SCN4B: variants seen among roughly 807,000 people sequenced by gnomAD.
The protein encoded by SCN4B is sodium channel regulatory subunit beta-4.
A neutral mutation model predicts 19.6 loss-of-function variants in SCN4B; 20 were observed. That is an observed-to-expected ratio of 1.02 (90% CI 0.72 to 1.48). SCN4B has a LOEUF of 1.48. Ranked by LOEUF, SCN4B falls within the 40% of genes most tolerant of loss-of-function variation. The pLI, the probability that SCN4B is intolerant of heterozygous loss-of-function variation, is 0.00. For synonymous variants in SCN4B, 127 were observed against 122.8 expected, an observed-to-expected ratio of 1.03 and a Z score of -0.22; for missense variants, 271 against 287.5, an observed-to-expected ratio of 0.94 and a Z score of 0.42.
chr11:118,134,705 T>C lies in SCN4B; in HGVS notation c.*2322A>G, dbSNP rs1472198947. On this transcript the variant is annotated 3_prime_UTR_variant, in exon 5 of 5. Transcript: ENST00000324727. ...GAAAGAAAGAGAGAGAGAGTGTGTG[T>C]GTCTGTATGTGGGTTGTAGAGATGG... 1 of 454,056 alleles carries C rather than the reference T, an allele frequency of 2.2e-6. No individual in the cohort carries two copies. 28.1% of individuals were successfully genotyped at this position (454,056 alleles called of 1,614,324 possible). A position where few individuals can be genotyped will look rare whatever the true frequency, so the allele number is the denominator to read the frequency against.
At chr11:118,139,618 A>G (rs998372921) in intron 4 of SCN4B, among the ~76,000 whole-genome samples, 3 of 152,224 alleles carry the variant, frequency 2.0e-5, no homozygotes, top group African/African-American at 7.2e-5. Context: ...AGTCAGTAGA[A>G]CATCCTGGCA....
intron 4 of SCN4B, among the ~76,000 whole-genome samples, chr11:118,138,068 G>C (rs1015824772): frequency 7.2e-5 from 11 of 151,812 alleles, no homozygotes; most frequent in Admixed American, 7.2e-4. Context: ...CTCTGAGCTG[G>C]ACATGCTCCA....
intron 1 of SCN4B, among the ~76,000 whole-genome samples, chr11:118,146,286 G>C (rs1434481605): frequency 3.3e-5 from 5 of 152,046 alleles, no homozygotes; most frequent in Admixed American, 3.3e-4. Context: ...TTGTAAGGGG[G>C]CCTGGTTCCC....
Position 118,141,559 on chromosome 11 carries a change from C to A in SCN4B, c.464-223G>T, listed in dbSNP as rs554241095. On this transcript the variant is annotated intron_variant, in intron 3 of 4. Coordinates refer to ENST00000324727, the MANE Select transcript of SCN4B (RefSeq NM_174934.4). ...GGCACACATAAGGGGCCCTCTCCCC[C>A]ACCCTGCACATGCCCTCCCACAGAT... 798 of 594,312 alleles carry A rather than the reference C, an allele frequency of 1.3e-3. 8 individuals carry two copies. Among genetic ancestry groups the A allele is most frequent in the South Asian group, 8.2e-3 (418 of 50,970 alleles). The allele number at this position is 594,312 out of a possible 1,614,324, so 36.8% of individuals were successfully genotyped here.
rs972188291 is a variant in SCN4B, at chr11:118,135,757, G to A, written c.*1270C>T. On this transcript the variant is annotated 3_prime_UTR_variant, in exon 5 of 5. Coordinates refer to ENST00000324727, the MANE Select transcript of SCN4B (RefSeq NM_174934.4). ...TCAGGACATACCGTCTAGAGAGGAT[G>A]GGGGTAAGGGCTAGGATTCAGGACT... 2.2e-6 allele frequency: 1 copy of A among 454,370 alleles called. No individual in the cohort carries two copies. The highest frequency in any genetic ancestry group is 2.0e-5 in the African/African-American group (1 of 49,980). 28.1% of individuals were successfully genotyped at this position (454,370 alleles called of 1,614,324 possible). A position where few individuals can be genotyped will look rare whatever the true frequency, so the allele number is the denominator to read the frequency against.
At chr11:118,149,015 T>G (rs1948210142) in intron 1 of SCN4B, among the ~76,000 whole-genome samples, 1 of 152,304 alleles carries the variant, frequency 6.6e-6, no homozygotes, top group South Asian at 2.1e-4. Flanking sequence ...AAAAAGCCAC[T>G]CTCAGAGCAG....
rs756210130 is a variant in SCN4B, at chr11:118,145,176, T to C, written c.115A>G (p.Thr39Ala). 2.0e-5 allele frequency: 32 copies of C among 1,613,934 alleles called. No individual in the cohort carries two copies. The highest frequency in any genetic ancestry group is 2.5e-5 in the Non-Finnish European group (30 of 1,180,014). ...LSLEVSVGKA[T>A]DIYAVNGTEI... ...GTGCCATTGACAGCGTAGATGTCGG[T>C]GGCCTTTCCCACAGACACCTCCAGC... The change falls in exon 2 of 5, where the codon ACC becomes GCC. Residue 39 changes from threonine (T) to alanine (A), a missense_variant. By Grantham distance (58) the Thr-to-Ala change is moderately conservative. Coordinates refer to ENST00000324727, the MANE Select transcript of SCN4B (RefSeq NM_174934.4).
intron 1 of SCN4B, chr11:118,145,556 G>T (rs1948161744): frequency 9.1e-7 from 1 of 1,095,718 alleles, no homozygotes; most frequent in Non-Finnish European, 1.2e-6. Context: ...CCCTCACCTG[G>T]GGACGCAGTG....
chr11:118,135,941 C>T lies in SCN4B; in HGVS notation c.*1086G>A, dbSNP rs1320922349. The stretch of plus-strand genomic sequence containing the variant: ...CAGCTGGGAAACCCAAGGACCCCCT[C>T]ATCCAAAGGAAGAGAGTCCCTGAGG... On this transcript the variant is annotated 3_prime_UTR_variant, in exon 5 of 5. Coordinates refer to ENST00000324727, the MANE Select transcript of SCN4B (RefSeq NM_174934.4). 1 of 454,168 alleles carries T rather than the reference C, an allele frequency of 2.2e-6. No individual in the cohort carries two copies. The highest frequency in any genetic ancestry group is 7.0e-5 in the East Asian group (1 of 14,378). The allele number at this position is 454,168 out of a possible 1,614,324, so 28.1% of individuals were successfully genotyped here.
intron 3 of SCN4B, among the ~76,000 whole-genome samples, chr11:118,142,307 G>A (rs900274583): frequency 6.6e-6 from 1 of 152,204 alleles, no homozygotes; most frequent in Non-Finnish European, 1.5e-5. Context: ...CTAGCCTGCT[G>A]TGATTCTTCA....
In SCN4B at chr11:118,141,222, T is replaced by G. The variant is rs1389700959; in HGVS notation, c.578A>C (p.Lys193Thr). 1 of 1,613,038 alleles carries G rather than the reference T, an allele frequency of 6.2e-7. No homozygotes were observed. The highest frequency in any genetic ancestry group is 1.7e-5 in the Admixed American group (1 of 60,012). Reference sequence around the variant, plus strand: ...ATCAACTCACTTCTTCTCCCGAGTCTTCTTCAGGATGAAGATGATGAGTTT... The same window carrying G: ...ATCAACTCACTTCTTCTCCCGAGTCGTCTTCAGGATGAAGATGATGAGTTT... ...IKKLIIFILKKTREKKKECLV... is the reference protein window; with the variant it reads ...IKKLIIFILKTTREKKKECLV... The change falls in exon 4 of 5, where the codon AAG becomes ACG. Residue 193 changes from lysine (K) to threonine (T), a missense_variant. Physicochemically the swap from Lys to Thr is moderately conservative, Grantham distance 78. Transcript: ENST00000324727.
intron 1 of SCN4B, among the ~76,000 whole-genome samples, chr11:118,149,383 C>G (rs574815535): frequency 2.6e-5 from 4 of 152,316 alleles, no homozygotes; most frequent in African/African-American, 7.2e-5. Flanking sequence ...CTGATACACT[C>G]TGGCCCAGGG....
rs1224059465 is a variant in SCN4B at position 118,136,784 on chromosome 11, C to T, written c.*243G>A. Reference sequence around the variant, plus strand: ...CAGCCCCTCCACACCACCCTAGCCTCTCCTTTCTTTCTCCTGAATCTTCCA... The same window carrying T: ...CAGCCCCTCCACACCACCCTAGCCTTTCCTTTCTTTCTCCTGAATCTTCCA... On this transcript the variant is annotated 3_prime_UTR_variant, in exon 5 of 5. Transcript: ENST00000324727. 1.6e-6 allele frequency: 1 copy of T among 633,132 alleles called. No individual in the cohort carries two copies. Among genetic ancestry groups the T allele is most frequent in the Admixed American group, 2.1e-5 (1 of 47,756 alleles). The allele number at this position is 633,132 out of a possible 1,614,324, so 39.2% of individuals were successfully genotyped here.
At chr11:118,146,657 T>C (rs575998939) in intron 1 of SCN4B, among the ~76,000 whole-genome samples, 1 of 152,222 alleles carries the variant, frequency 6.6e-6, no homozygotes, top group African/African-American at 2.4e-5. Flanking sequence ...AGTGCTTATA[T>C]CCCCCAGCCC....
intron 4 of SCN4B, among the ~76,000 whole-genome samples, chr11:118,139,991 G>GC (rs1565454520): frequency 1.3e-5 from 2 of 148,506 alleles, no homozygotes; most frequent in Admixed American, 1.4e-4. Context: ...TCCTGCCTCA[G>GC]CCCCCCAGGG....
chr11:118,145,609 C>G, intron 1 of SCN4B: 1 of 505,918 alleles, frequency 2.0e-6, no homozygotes, highest in Non-Finnish European at 3.2e-6. Context: ...ACGCGCAGGG[C>G]GGGCTCCCTT....
chr11:118,146,923 T>C (rs958591766), intron 1 of SCN4B, among the ~76,000 whole-genome samples: 2 of 152,222 alleles, frequency 1.3e-5, no homozygotes, highest in Non-Finnish European at 2.9e-5. Flanking sequence ...TTATTTCAAT[T>C]AGCCTTTATT....
At chr11:118,139,018 G>A (rs1442667112) in intron 4 of SCN4B, among the ~76,000 whole-genome samples, 4 of 151,416 alleles carry the variant, frequency 2.6e-5, no homozygotes, top group East Asian at 1.9e-4. Flanking sequence ...CAATCCCTCC[G>A]CCCACCATGG....
rs776443614 is a variant in SCN4B, at chr11:118,145,036, G to C, written c.234+21C>G. 1.4e-5 allele frequency: 22 copies of C among 1,612,702 alleles called. No homozygotes were observed. In the South Asian group the frequency reaches 2.4e-4, roughly 18 times the overall value. On this transcript the variant is annotated intron_variant, in intron 2 of 4. Transcript: ENST00000324727. ...TGGGTGAGGGAGGCTGGGCTGTACTGTTCTTCCTCCAAATACTTACAATCT... is the reference window on the plus strand; with the variant it reads ...TGGGTGAGGGAGGCTGGGCTGTACTCTTCTTCCTCCAAATACTTACAATCT...
Sources: allele counts gnomAD v4.1 joint callset (sites outside exome capture counted in the v4.1 genomes callset), GRCh38; gene constraint gnomAD v4.1.1; transcripts MANE v1.5; gene names NCBI Gene and HGNC (gene_info 2026-07-23, HGNC 2026-07-21).